PPARGC1A: variants seen among roughly 807,000 people sequenced by gnomAD.
PPARGC1A encodes peroxisome proliferator-activated receptor gamma coactivator 1-alpha.
PPARGC1A carries 25 observed loss-of-function variants against 88.7 expected under a neutral mutation model. The observed-to-expected ratio is 0.28, with a 90% CI of 0.21 to 0.39. PPARGC1A has a LOEUF of 0.39. Among genes scored for constraint, PPARGC1A ranks in the 10% least tolerant of loss-of-function variants. The pLI is 1.00. For synonymous variants in PPARGC1A, 363 were observed against 355.6 expected (o/e 1.02, Z -0.24); for missense variants, 880 against 968.7 (o/e 0.91, Z 1.22).
the PPARGC1A span, among the ~76,000 whole-genome samples, chr4:24,272,453 C>T: frequency 6.6e-6 from 1 of 152,046 alleles, no homozygotes; most frequent in South Asian, 2.1e-4. Context: ...CCATGTCATA[C>T]CCCCCTGACT....
chr4:24,038,491 T>A, the PPARGC1A span, among the ~76,000 whole-genome samples: 1 of 152,172 alleles, frequency 6.6e-6, no homozygotes, highest in South Asian at 2.1e-4. Flanking sequence ...CTAGAGTAAT[T>A]ACCTCTCCTG....
the PPARGC1A span, among the ~76,000 whole-genome samples, chr4:23,912,889 T>C: frequency 0.013 from 1,941 of 151,218 alleles, 40 homozygotes; most frequent in African/African-American, 0.044. Context: ...CCTGGGTTCA[T>C]GCCATTCTCC....
the PPARGC1A span, among the ~76,000 whole-genome samples, chr4:24,341,234 C>T: frequency 4.0e-5 from 6 of 149,608 alleles, no homozygotes; most frequent in Admixed American, 1.3e-4. Context: ...TATATATATA[C>T]ACACACGTAT....
At chr4:24,157,352 T>C in the PPARGC1A span, among the ~76,000 whole-genome samples, 1 of 152,216 alleles carries the variant, frequency 6.6e-6, no homozygotes, top group Non-Finnish European at 1.5e-5. Flanking sequence ...CTTCTAATAG[T>C]GTCAGCCTCT....
intron 2 of PPARGC1A, among the ~76,000 whole-genome samples, chr4:23,833,652 C>T (rs140299565): frequency 2.0e-5 from 3 of 152,278 alleles, no homozygotes; most frequent in African/African-American, 4.8e-5. Flanking sequence ...GCCTTTATCA[C>T]GTATACATTC....
the PPARGC1A span, among the ~76,000 whole-genome samples, chr4:24,149,875 T>A: frequency 2.0e-5 from 3 of 152,196 alleles, no homozygotes. Context: ...ATCTAATTTT[T>A]CATTGATTTA....
intron 2 of PPARGC1A, among the ~76,000 whole-genome samples, chr4:23,878,367 C>G (rs1262301688): frequency 1.4e-5 from 2 of 145,138 alleles, no homozygotes; most frequent in Non-Finnish European, 3.0e-5. Flanking sequence ...AAAAAAAAAG[C>G]AGCCAATTTC....
chr4:23,863,494 T>C (rs1450063584), intron 2 of PPARGC1A, among the ~76,000 whole-genome samples: 1 of 152,180 alleles, frequency 6.6e-6, no homozygotes, highest in African/African-American at 2.4e-5. Flanking sequence ...CCCATTCACT[T>C]GTATCTACTT....
chr4:23,882,375 T>G (rs1716111031), intron 2 of PPARGC1A, among the ~76,000 whole-genome samples: 1 of 152,204 alleles, frequency 6.6e-6, no homozygotes, highest in African/African-American at 2.4e-5. Context: ...AGGGGAAGCC[T>G]GTGACTTTAT....
At position 23,794,690 on chromosome 4, in the gene PPARGC1A, CATT is replaced by C. The variant is rs1263989715; in HGVS notation, c.*1129_*1131del. 6.6e-6 allele frequency: 1 copy of C among 152,434 alleles called. No homozygotes were observed. Among genetic ancestry groups the C allele is most frequent in the Non-Finnish European group, 1.5e-5 (1 of 67,986 alleles). The allele number at this position is 152,434 out of a possible 1,614,324, so 9.4% of individuals were successfully genotyped here. A position where few individuals can be genotyped will look rare whatever the true frequency, so the allele number is the denominator to read the frequency against. The stretch of plus-strand genomic sequence containing the variant: ...AGTGCATAGCTGTAACAAAAAAGAA[CATT>C]GTTGTATAGTATATACATAAAATAA... On this transcript the variant is annotated 3_prime_UTR_variant, in exon 13 of 13. Coordinates refer to ENST00000264867, the MANE Select transcript of PPARGC1A (RefSeq NM_013261.5).
At chr4:24,452,668 T>C in the PPARGC1A span, among the ~76,000 whole-genome samples, 1 of 152,240 alleles carries the variant, frequency 6.6e-6, no homozygotes, top group African/African-American at 2.4e-5. Flanking sequence ...TTTCATACTC[T>C]ATTCAATCAC....
the PPARGC1A span, among the ~76,000 whole-genome samples, chr4:24,181,672 G>A: frequency 1 from 151,913 of 152,264 alleles, 75,782 homozygotes; most frequent in Middle Eastern, 1. Flanking sequence ...ACCTCATACA[G>A]TAGATGTCAG....
chr4:24,189,740 C>A, the PPARGC1A span, among the ~76,000 whole-genome samples: 1 of 152,126 alleles, frequency 6.6e-6, no homozygotes, highest in Non-Finnish European at 1.5e-5. Context: ...AAGCACCCGG[C>A]ACCCTCACTT....
chr4:24,026,449 T>C, the PPARGC1A span, among the ~76,000 whole-genome samples: 6 of 152,320 alleles, frequency 3.9e-5, no homozygotes, highest in Admixed American at 6.5e-5. Context: ...TCAGCTTCCT[T>C]TTCTATAGAA....
At chr4:24,060,761 T>C in the PPARGC1A span, among the ~76,000 whole-genome samples, 1 of 152,192 alleles carries the variant, frequency 6.6e-6, no homozygotes, top group African/African-American at 2.4e-5. Context: ...ATGAGGCCTT[T>C]CTTGGAAATC....
chr4:24,380,258 G>T, the PPARGC1A span, among the ~76,000 whole-genome samples: 3 of 152,158 alleles, frequency 2.0e-5, no homozygotes, highest in East Asian at 3.9e-4. Flanking sequence ...AAACCTTTAA[G>T]TGTGTCTTAA....
chr4:24,012,249 G>A, the PPARGC1A span, among the ~76,000 whole-genome samples: 1 of 152,112 alleles, frequency 6.6e-6, no homozygotes, highest in African/African-American at 2.4e-5. Flanking sequence ...GAAAAAATAT[G>A]TTGTGGGTCA....
chr4:24,430,803 A>C, the PPARGC1A span, among the ~76,000 whole-genome samples: 1 of 152,096 alleles, frequency 6.6e-6, no homozygotes, highest in Non-Finnish European at 1.5e-5. Flanking sequence ...TATGAGTCTG[A>C]AGTAAGGCAC....
chr4:24,437,488 C>A, the PPARGC1A span, among the ~76,000 whole-genome samples: 2 of 152,100 alleles, frequency 1.3e-5, no homozygotes, highest in African/African-American at 2.4e-5. Context: ...GACACAGTGA[C>A]CCAGGTAGAG....
Sources: gnomAD v4.1 joint callset for allele counts (sites outside exome capture counted in the v4.1 genomes callset) on GRCh38, gnomAD v4.1.1 for gene constraint, MANE v1.5 for transcripts, NCBI Gene and HGNC (gene_info 2026-07-23, HGNC 2026-07-21) for gene names.